N4BP1: variants seen among roughly 807,000 people sequenced by gnomAD.
N4BP1 encodes the protein NEDD4-binding protein 1.
A neutral mutation model predicts 70.9 loss-of-function variants in N4BP1; 21 were observed. The observed-to-expected ratio is 0.30, with a 90% CI of 0.21 to 0.43. N4BP1 has a LOEUF of 0.43. N4BP1 is among the 20% of genes least tolerant of loss of function. The probability of loss-of-function intolerance (pLI) is 1.00; values close to 1 mark genes in which losing one functional copy is unlikely to be tolerated. For missense variants in N4BP1, 936 were observed against 1,069.4 expected (o/e 0.88, Z 1.74); for synonymous variants, 387 against 394.6 (o/e 0.98, Z 0.23).
At chr16:48,551,320 G>A in intron 4 of N4BP1, 66 bp downstream of exon 4, 1 of 1,222,872 alleles carries the variant, frequency 8.2e-7, no homozygotes, top group African/African-American at 1.5e-5. Context: ...GACCTGTCCA[G>A]CAGAGCAGGT....
At chr16:48,602,517 C>T (rs1964517233) in intron 1 of N4BP1, among the ~76,000 whole-genome samples, 1 of 152,086 alleles carries the variant, frequency 6.6e-6, no homozygotes, top group South Asian at 2.1e-4. Context: ...TCCCTTATTT[C>T]AACATTCTGG....
intron 1 of N4BP1, chr16:48,577,443 G>T (rs748149878): frequency 6.5e-6 from 1 of 153,104 alleles, no homozygotes; most frequent in Non-Finnish European, 1.5e-5. Context: ...TACTGTTCTG[G>T]TGATAACTCC....
chr16:48,574,800 T>A (rs932098560), intron 1 of N4BP1, among the ~76,000 whole-genome samples: 2 of 152,204 alleles, frequency 1.3e-5, no homozygotes, highest in Admixed American at 6.5e-5. Context: ...GGGAATATGT[T>A]CAGACATTGT....
chr16:48,609,764 G>A lies in N4BP1; in HGVS notation c.198+11C>T. ...AGGCCGCGGGCGCGCGGGGGCGGCGGCCGGACTCACCTTGGCGCTGTGCAC... is the reference window on the plus strand; with the variant it reads ...AGGCCGCGGGCGCGCGGGGGCGGCGACCGGACTCACCTTGGCGCTGTGCAC... On this transcript the variant is annotated intron_variant, in intron 1 of 6. Coordinates refer to ENST00000262384, the MANE Select transcript of N4BP1 (RefSeq NM_153029.4). The A allele has an allele frequency of 7.4e-7, 1 of 1,354,792 alleles. No individual in the cohort carries two copies. Among genetic ancestry groups the A allele is most frequent in the South Asian group, 1.7e-5 (1 of 59,066 alleles). The allele number at this position is 1,354,792 out of a possible 1,614,324, so 83.9% of individuals were successfully genotyped here.
chr16:48,597,434 C>G lies in N4BP1; in HGVS notation c.198+12341G>C, dbSNP rs535698834. On this transcript the variant is annotated intron_variant, in intron 1 of 6. Transcript: ENST00000262384. ...GACCTACTTCCTTGTAACCGAAAGTCATGTAGCAGTAGACACCGAAAATTT... is the reference window on the plus strand; with the variant it reads ...GACCTACTTCCTTGTAACCGAAAGTGATGTAGCAGTAGACACCGAAAATTT... 5.3e-5 allele frequency among the ~76,000 whole-genome samples: 8 copies of G among 152,300 alleles called. No individual in the cohort carries two copies. The East Asian group carries it at 1.5e-3, about 29-fold the overall frequency.
At chr16:48,562,495 C>A in intron 1 of N4BP1, 51 bp from the exon 2 acceptor site, 1 of 1,432,444 alleles carries the variant, frequency 7.0e-7, no homozygotes, top group Non-Finnish European at 9.4e-7. Context: ...TTCCTTATAG[C>A]ACATAATAAA....
Position 48,561,284 on chromosome 16 carries a change from T to G in N4BP1, c.1359A>C (p.Pro453=). ...SQLPFKVEAK[P]CTSNCRINTF... Reference sequence around the variant, plus strand: ...TATTAATTCTACAATTTGAGGTACATGGTTTAGCTTCCACTTTGAATGGTA... The same window carrying G: ...TATTAATTCTACAATTTGAGGTACAGGGTTTAGCTTCCACTTTGAATGGTA... Residue 453 remains proline (P), a synonymous_variant, in exon 2 of 7, where the codon CCA becomes CCC. Coordinates refer to ENST00000262384, the MANE Select transcript of N4BP1 (RefSeq NM_153029.4). 1 of 1,613,918 alleles carries G rather than the reference T, an allele frequency of 6.2e-7. No individual in the cohort carries two copies. The highest frequency in any genetic ancestry group is 8.5e-7 in the Non-Finnish European group (1 of 1,179,844).
intron 1 of N4BP1, among the ~76,000 whole-genome samples, chr16:48,603,483 A>G (rs976701039): frequency 3.9e-5 from 6 of 151,964 alleles, no homozygotes; most frequent in Non-Finnish European, 5.9e-5. Context: ...TAGCTGTGCC[A>G]TTTACTTCCA....
intron 1 of N4BP1, among the ~76,000 whole-genome samples, chr16:48,608,415 G>T (rs1336749820): frequency 1.3e-5 from 2 of 152,174 alleles, no homozygotes; most frequent in Admixed American, 1.3e-4. Flanking sequence ...AACATCAGGA[G>T]ATACGACTAC....
At chr16:48,601,816 T>A (rs1597115203) in intron 1 of N4BP1, among the ~76,000 whole-genome samples, 1 of 152,288 alleles carries the variant, frequency 6.6e-6, no homozygotes, top group Admixed American at 6.5e-5. Flanking sequence ...ACTCAAGCAA[T>A]CTTAATGCCT....
chr16:48,542,529 C>CTT lies in N4BP1; in HGVS notation c.*373_*374dup. The CTT allele has an allele frequency of 1.3e-5, 2 of 157,500 alleles. No individual in the cohort carries two copies. Among genetic ancestry groups the CTT allele is most frequent in the Non-Finnish European group, 1.4e-5 (1 of 71,964 alleles). 9.8% of individuals were successfully genotyped at this position (157,500 alleles called of 1,614,324 possible). On this transcript the variant is annotated 3_prime_UTR_variant, in exon 7 of 7. Coordinates refer to ENST00000262384, the MANE Select transcript of N4BP1 (RefSeq NM_153029.4). ...TCTTGCTTTCCTTAAGAAAGCAACA[C>CTT]TTTTTTTTTTATTTATTTATAAAGG...
intron 1 of N4BP1, among the ~76,000 whole-genome samples, chr16:48,585,732 G>T (rs1964236828): frequency 6.6e-6 from 1 of 151,274 alleles, no homozygotes; most frequent in Non-Finnish European, 1.5e-5. Context: ...GTCTCACCCT[G>T]TTGCCCAAGC....
rs1298169968 is a variant in N4BP1, at chr16:48,609,820, G to T, written c.153C>A (p.Ile51=). ...CCTGCGCCCCGCAGAGCTGCAGCCA[G>T]ATGCGCGCGGGCAGCGGCTCCTCAG... ...LGAEEPLPAR[I]WLQLCGAQEA... is the part of the protein sequence containing the mutation. Residue 51 remains isoleucine, a synonymous_variant, in exon 1 of 7, where the codon ATC becomes ATA. Coordinates refer to ENST00000262384, the MANE Select transcript of N4BP1 (RefSeq NM_153029.4). 2.0e-6 allele frequency: 3 copies of T among 1,486,482 alleles called. No individual in the cohort carries two copies. The African/African-American group carries it at 4.4e-5, about 22-fold the overall frequency. The allele number at this position is 1,486,482 out of a possible 1,614,324, so 92.1% of individuals were successfully genotyped here. A position where few individuals can be genotyped will look rare whatever the true frequency, so the allele number is the denominator to read the frequency against.
At chr16:48,558,988 T>C (rs1177424616) in intron 2 of N4BP1, among the ~76,000 whole-genome samples, 2 of 152,170 alleles carry the variant, frequency 1.3e-5, no homozygotes, top group Non-Finnish European at 2.9e-5. Flanking sequence ...ATTCAAATAA[T>C]AAAAAGCAGA....
At chr16:48,582,147 A>G (rs945872869) in intron 1 of N4BP1, among the ~76,000 whole-genome samples, 3 of 152,204 alleles carry the variant, frequency 2.0e-5, no homozygotes, top group African/African-American at 7.2e-5. Flanking sequence ...GAATAGACAC[A>G]TTTATCAAAA....
At chr16:48,581,453 A>C (rs1964173640) in intron 1 of N4BP1, among the ~76,000 whole-genome samples, 1 of 152,114 alleles carries the variant, frequency 6.6e-6, no homozygotes, top group African/African-American at 2.4e-5. Context: ...TAGAAAGAAA[A>C]AAGTTAAACT....
At chr16:48,598,961 C>T (rs1235273248) in intron 1 of N4BP1, among the ~76,000 whole-genome samples, 1 of 151,974 alleles carries the variant, frequency 6.6e-6, no homozygotes, top group African/African-American at 2.4e-5. Flanking sequence ...AGTTGTATCT[C>T]CTTTACTTGA....
intron 1 of N4BP1, among the ~76,000 whole-genome samples, chr16:48,591,064 T>C (rs757380550): frequency 1.4e-4 from 22 of 152,164 alleles, no homozygotes; most frequent in Non-Finnish European, 3.2e-4. Context: ...TGGGGATCTC[T>C]GAAGGAACTG....
rs1030861519 is a variant in N4BP1, at chr16:48,542,584, G to A, written c.*320C>T. Reference sequence around the variant, plus strand: ...CCATATCCATTTGTCAATATTTTCGGCTTTAAGGAAAATAGTTTAAAAAAC... The same window carrying A: ...CCATATCCATTTGTCAATATTTTCGACTTTAAGGAAAATAGTTTAAAAAAC... On this transcript the variant is annotated 3_prime_UTR_variant, in exon 7 of 7. Transcript: ENST00000262384. 9.6e-6 allele frequency: 2 copies of A among 208,976 alleles called. No individual in the cohort carries two copies. The highest frequency in any genetic ancestry group is 4.6e-5 in the African/African-American group (2 of 43,628). 12.9% of individuals were successfully genotyped at this position (208,976 alleles called of 1,614,324 possible).
Sources: allele counts gnomAD v4.1 joint callset (sites outside exome capture counted in the v4.1 genomes callset), GRCh38; gene constraint gnomAD v4.1.1; transcripts MANE v1.5; gene names NCBI Gene and HGNC (gene_info 2026-07-23, HGNC 2026-07-21).